Variants in PLIN1 observed in about 807,000 individuals in gnomAD.
PLIN1 encodes the protein perilipin 1, also known as perilipin-1.
In PLIN1, 37 loss-of-function variants were observed where a neutral mutation model predicts 45.8. That is an observed-to-expected ratio of 0.81 (90% CI 0.62 to 1.06). The LOEUF (loss-of-function observed/expected upper bound fraction) is 1.06, where lower values mean the gene tolerates loss of function less well. Among genes scored for constraint, PLIN1 ranks in the 50% least tolerant of loss-of-function variants. The pLI is 0.00. For synonymous variants in PLIN1, 340 were observed against 309.2 expected, an observed-to-expected ratio of 1.10 and a Z score of -1.05; for missense variants, 776 against 716.5, an observed-to-expected ratio of 1.08 and a Z score of -0.95.
At position 89,673,432 on chromosome 15, in the gene PLIN1, C is replaced by T. The variant is rs556183035; in HGVS notation, c.46-18G>A. 7 of 1,579,618 alleles carry T rather than the reference C, an allele frequency of 4.4e-6. No homozygotes were observed. The highest frequency in any genetic ancestry group is 6.0e-6 in the Non-Finnish European group (7 of 1,161,246). On this transcript the variant is annotated intron_variant, in intron 2 of 8. Coordinates refer to ENST00000300055, the MANE Select transcript of PLIN1 (RefSeq NM_002666.5). ...TCCTGCTCCTGGTGCGGAAGGAACA[C>T]ATTCAAGTTGTCCCACCTCCCTCTC...
In PLIN1 at chr15:89,665,977, T is replaced by TGGCCCTG. The variant is rs748795368; in HGVS notation, c.1210-42_1210-36dup. On this transcript the variant is annotated intron_variant, in intron 8 of 8. Transcript: ENST00000300055. Reference sequence around the variant, plus strand: ...CGGCAGCCGCCTTAGAGTCCTGGCTTGGCCCTGGGCCCTGCGCCTCTGACC... The same window carrying TGGCCCTG: ...CGGCAGCCGCCTTAGAGTCCTGGCTTGGCCCTGGGCCCTGGGCCCTGCGCCTCTGACC... 6.9e-6 allele frequency: 10 copies of TGGCCCTG among 1,447,890 alleles called. No homozygotes were observed. In the East Asian group the frequency reaches 2.9e-4, roughly 42 times the overall value. 89.7% of individuals were successfully genotyped at this position (1,447,890 alleles called of 1,614,324 possible).
rs1056354350 is a variant in PLIN1, at chr15:89,669,624, G to C, written c.647C>G (p.Pro216Arg). Residue 216 changes from proline to arginine, a missense_variant, in exon 6 of 9, where the codon CCA becomes CGA. Transcript: ENST00000300055. ...QQAQKSPKAKPSLLSRVGALT... is the reference protein window; with the variant it reads ...QQAQKSPKAKRSLLSRVGALT... ...AGCCCCAACCCTGCTCAAGAGGCTT[G>C]GCTTGGCCTTGGGAGACTTCTGGGC... The C allele has an allele frequency of 1.2e-6, 2 of 1,614,092 alleles. No individual in the cohort carries two copies. The highest frequency in any genetic ancestry group is 1.7e-5 in the Admixed American group (1 of 60,026).
At chr15:89,673,532 G>A (rs1596042783) in intron 2 of PLIN1, 118 bp from the exon 3 acceptor site, 2 of 793,752 alleles carry the variant, frequency 2.5e-6, no homozygotes, top group African/African-American at 3.4e-5. Flanking sequence ...CGACCTGGGA[G>A]GAACCAAGGC....
In PLIN1 at chr15:89,677,326, A is replaced by G. The variant is rs934584076; in HGVS notation, c.45+119T>C. On this transcript the variant is annotated intron_variant, in intron 2 of 8. Coordinates refer to ENST00000300055, the MANE Select transcript of PLIN1 (RefSeq NM_002666.5). Reference sequence around the variant, plus strand: ...AAGAATAACTAAGCCATGGTAGTCAATGAACTAGGATTATAATCTGGGAAT... The same window carrying G: ...AAGAATAACTAAGCCATGGTAGTCAGTGAACTAGGATTATAATCTGGGAAT... 15 of 875,258 alleles carry G rather than the reference A, an allele frequency of 1.7e-5. No homozygotes were observed. The African/African-American group carries it at 1.8e-4, about 11-fold the overall frequency. The allele number at this position is 875,258 out of a possible 1,614,324, so 54.2% of individuals were successfully genotyped here.
chr15:89,678,500 A>G (rs1313590410), intron 1 of PLIN1, among the ~76,000 whole-genome samples: 1 of 151,266 alleles, frequency 6.6e-6, no homozygotes, highest in African/African-American at 2.4e-5. Flanking sequence ...ACAGAGGGAG[A>G]CTCTGTCTCA....
At chr15:89,668,912 G>A (rs1433076716) in intron 6 of PLIN1, among the ~76,000 whole-genome samples, 1 of 152,092 alleles carries the variant, frequency 6.6e-6, no homozygotes, top group African/African-American at 2.4e-5. Flanking sequence ...TCTGGCCTTA[G>A]TTTCTTACTA....
At chr15:89,667,223 C>T (rs775800152) in intron 7 of PLIN1, 42 bp from the exon 8 acceptor site, 10 of 1,609,100 alleles carry the variant, frequency 6.2e-6, no homozygotes, top group East Asian at 2.2e-5. Flanking sequence ...TGGTAACTCC[C>T]CTGACCCTTC....
In PLIN1 at chr15:89,665,244, G is replaced by A. The variant is rs1422857849; in HGVS notation, c.*339C>T. 1.6e-5 allele frequency: 4 copies of A among 243,604 alleles called. No homozygotes were observed. The highest frequency in any genetic ancestry group is 3.2e-5 in the Non-Finnish European group (4 of 123,404). The allele number at this position is 243,604 out of a possible 1,614,324, so 15.1% of individuals were successfully genotyped here. A position where few individuals can be genotyped will look rare whatever the true frequency, so the allele number is the denominator to read the frequency against. ...CCGCAGAGGCAGAATCTGAATTTTGGAAACGGTCAAATATCTTTTGGCCAC... is the reference window on the plus strand; with the variant it reads ...CCGCAGAGGCAGAATCTGAATTTTGAAAACGGTCAAATATCTTTTGGCCAC... On this transcript the variant is annotated 3_prime_UTR_variant, in exon 9 of 9. Coordinates refer to ENST00000300055, the MANE Select transcript of PLIN1 (RefSeq NM_002666.5).
At position 89,677,460 on chromosome 15, in the gene PLIN1, C is replaced by T; in HGVS notation, c.30G>A (p.Leu10=). 6.2e-7 allele frequency: 1 copy of T among 1,614,008 alleles called. No individual in the cohort carries two copies. Among genetic ancestry groups the T allele is most frequent in the Non-Finnish European group, 8.5e-7 (1 of 1,179,870 alleles). MAVNKGLTL[L]DGDLPEQENV... is the part of the protein sequence containing the mutation. ...AGTTACTTACAGGGAGGTCTCCATC[C>T]AGCAAGGTGAGGCCTTTGTTGACTG... is the stretch of plus-strand genomic sequence containing the variant. The change falls in exon 2 of 9, where the codon CTG becomes CTA. Residue 10 remains leucine (L), a synonymous_variant. Transcript: ENST00000300055.
chr15:89,672,680 CAGT>C (rs1447037425), intron 3 of PLIN1, among the ~76,000 whole-genome samples: 4 of 152,238 alleles, frequency 2.6e-5, no homozygotes, highest in Non-Finnish European at 5.9e-5. Flanking sequence ...CTGGTAAGGC[CAGT>C]AGGAGAGCCA....
At chr15:89,670,317 G>A (rs1964422090) in intron 4 of PLIN1, 73 bp from the exon 5 acceptor site, 2 of 1,513,814 alleles carry the variant, frequency 1.3e-6, no homozygotes, top group Non-Finnish European at 1.8e-6. Flanking sequence ...CCGGGGTCTG[G>A]TGGCCTGAGC....
At chr15:89,670,567 C>G (rs1280413462) in intron 4 of PLIN1, among the ~76,000 whole-genome samples, 1 of 152,234 alleles carries the variant, frequency 6.6e-6, no homozygotes, top group Non-Finnish European at 1.5e-5. Flanking sequence ...CACAAGGAAT[C>G]TCCTCCATCC....
chr15:89,667,307 C>A, intron 7 of PLIN1, 126 bp from the exon 8 acceptor site: 1 of 1,283,090 alleles, frequency 7.8e-7, no homozygotes, highest in Non-Finnish European at 1.1e-6. Flanking sequence ...GCCTATTCTG[C>A]CACTAGCAGT....
chr15:89,665,805 G>T lies in PLIN1; in HGVS notation c.1347C>A (p.Leu449=), dbSNP rs768562297. 1 of 1,354,172 alleles carries T rather than the reference G, an allele frequency of 7.4e-7. No individual in the cohort carries two copies. The highest frequency in any genetic ancestry group is 1.7e-5 in the South Asian group (1 of 59,074). 83.9% of individuals were successfully genotyped at this position (1,354,172 alleles called of 1,614,324 possible). ...TGCGCAGGCTGCGGCGGGGCTGTGC[G>T]AGACGCGGGGCGGGCTCCGGGCCGG... ...PSAGPEPAPR[L]AQPRRSLRSA... The change falls in exon 9 of 9, where the codon CTC becomes CTA. Residue 449 remains leucine, a synonymous_variant. Coordinates refer to ENST00000300055, the MANE Select transcript of PLIN1 (RefSeq NM_002666.5).
At chr15:89,671,200 G>A (rs1473279481) in intron 4 of PLIN1, among the ~76,000 whole-genome samples, 3 of 152,182 alleles carry the variant, frequency 2.0e-5, no homozygotes, top group African/African-American at 7.2e-5. Context: ...CAGATCCCAG[G>A]GTGCGGTATC....
Position 89,664,697 on chromosome 15 carries a change from A to G in PLIN1, c.*886T>C. 1 of 376,592 alleles carries G rather than the reference A, an allele frequency of 2.7e-6. No individual in the cohort carries two copies. Among genetic ancestry groups the G allele is most frequent in the Non-Finnish European group, 5.3e-6 (1 of 189,098 alleles). The allele number at this position is 376,592 out of a possible 1,614,324, so 23.3% of individuals were successfully genotyped here. ...ATGGCACCGTGGTGGTTTTCAATGA[A>G]GGGGAACAGGGGAGCTCGGGGAGAA... is the stretch of plus-strand genomic sequence containing the variant. On this transcript the variant is annotated 3_prime_UTR_variant, in exon 9 of 9. Transcript: ENST00000300055.
chr15:89,665,635 A>G lies in PLIN1; in HGVS notation c.1517T>C (p.Met506Thr), dbSNP rs751342946. ...VSDSFFRPSV[M>T]EPILGRTHYS... ...ATGCGTGCGGCCCAGGATGGGCTCC[A>G]TGACGCTGGGCCGGAAGAAGCTGTC... Residue 506 changes from methionine (M) to threonine (T), a missense_variant, in exon 9 of 9, where the codon ATG becomes ACG. Transcript: ENST00000300055. The G allele has an allele frequency of 2.6e-5, 40 of 1,510,488 alleles. No homozygotes were observed. The highest frequency in any genetic ancestry group is 3.4e-5 in the Non-Finnish European group (38 of 1,131,668). 93.6% of individuals were successfully genotyped at this position (1,510,488 alleles called of 1,614,324 possible).
At chr15:89,669,370 G>GC in intron 6 of PLIN1, 130 bp downstream of exon 6, 1 of 834,076 alleles carries the variant, frequency 1.2e-6, no homozygotes, top group Non-Finnish European at 2.0e-6. Context: ...TAGAACTGAA[G>GC]CCCCAGCCCA....
chr15:89,678,238 G>C (rs928457360), intron 1 of PLIN1, among the ~76,000 whole-genome samples: 6 of 151,864 alleles, frequency 4.0e-5, no homozygotes, highest in African/African-American at 1.4e-4. Context: ...GGCCAGGCGC[G>C]GTGGCTCAGG....
Sources: gnomAD v4.1 joint callset for allele counts (sites outside exome capture counted in the v4.1 genomes callset) on GRCh38, gnomAD v4.1.1 for gene constraint, MANE v1.5 for transcripts, NCBI Gene and HGNC (gene_info 2026-07-23, HGNC 2026-07-21) for gene names.